XDH: variants seen among roughly 807,000 people sequenced by gnomAD.
The protein encoded by XDH is xanthine dehydrogenase/oxidase.
In XDH, 138 loss-of-function variants were observed where a neutral mutation model predicts 156.1. The observed-to-expected ratio is 0.88, with a 90% CI of 0.77 to 1.02. The LOEUF (loss-of-function observed/expected upper bound fraction) is 1.02, where lower values mean the gene tolerates loss of function less well. Among genes scored for constraint, XDH ranks in the 50% least tolerant of loss-of-function variants. The pLI is 0.00. For missense variants in XDH, 1,849 were observed against 1,684.9 expected (o/e 1.10, Z -1.71); for synonymous variants, 669 against 625.7 (o/e 1.07, Z -1.03).
chr2:31,387,789 C>G (rs1401518971), intron 8 of XDH, 22 bp downstream of exon 8: 1 of 1,565,176 alleles, frequency 6.4e-7, no homozygotes, highest in Admixed American at 1.9e-5. Context: ...CCGGCTGGAT[C>G]TGTCCCTGAG....
At chr2:31,393,964 C>T (rs1212370631) in intron 6 of XDH, among the ~76,000 whole-genome samples, 1 of 151,882 alleles carries the variant, frequency 6.6e-6, no homozygotes, top group Non-Finnish European at 1.5e-5. Flanking sequence ...TCATTGTTGT[C>T]ATTCATTTTA....
At chr2:31,361,648 G>GA (rs2148764388) in intron 24 of XDH, among the ~76,000 whole-genome samples, 2 of 152,252 alleles carry the variant, frequency 1.3e-5, no homozygotes, top group Admixed American at 1.3e-4. Flanking sequence ...CTCTCCTAAT[G>GA]AAAAATCCTG....
At chr2:31,384,036 G>T in intron 9 of XDH, 189 bp from the exon 10 acceptor site, 1 of 619,116 alleles carries the variant, frequency 1.6e-6, no homozygotes, top group Admixed American at 2.4e-5. Context: ...TGCAGTCTTT[G>T]GACTGTCAGC....
intron 6 of XDH, among the ~76,000 whole-genome samples, chr2:31,392,152 C>T (rs1393376641): frequency 2.0e-5 from 3 of 151,874 alleles, no homozygotes; most frequent in South Asian, 2.1e-4. Flanking sequence ...ATAGTGAGAT[C>T]TTTTTATTTT....
At chr2:31,406,008 G>C (rs1558317885) in intron 1 of XDH, 44 bp from the exon 2 acceptor site, 16 of 1,595,928 alleles carry the variant, frequency 1.0e-5, no homozygotes, top group Non-Finnish European at 1.3e-5. Flanking sequence ...GGTATACTTA[G>C]TCATCTTTCT....
chr2:31,364,895 T>C (rs554568062), intron 23 of XDH, among the ~76,000 whole-genome samples: 1 of 152,306 alleles, frequency 6.6e-6, no homozygotes, highest in African/African-American at 2.4e-5. Context: ...CTCAGGTTTC[T>C]AGAGCTAGGC....
chr2:31,365,329 T>C, intron 23 of XDH, 128 bp downstream of exon 23: 1 of 951,472 alleles, frequency 1.1e-6, no homozygotes, highest in Non-Finnish European at 1.7e-6. Context: ...CTCTTCTTGC[T>C]ATATCTTATT....
In XDH at chr2:31,341,330, T is replaced by A; in HGVS notation, c.3584A>T (p.Gln1195Leu). 1 of 1,570,890 alleles carries A rather than the reference T, an allele frequency of 6.4e-7. No individual in the cohort carries two copies. Among genetic ancestry groups the A allele is most frequent in the South Asian group, 1.2e-5 (1 of 85,642 alleles). Residue 1195 changes from glutamine to leucine, a missense_variant and splice_region_variant, in exon 33 of 36, where the codon CAG (glutamine) becomes CTG (leucine). Coordinates refer to ENST00000379416, the MANE Select transcript of XDH (RefSeq NM_000379.4). ...SSLNPAIDIG[Q>L]VEGAFVQGLG... Reference sequence around the variant, plus strand: ...CACCCTGGTCCCACTGAGCCTCACCTGTCCAATATCAATGGCAGGGTTTAG... The same window carrying A: ...CACCCTGGTCCCACTGAGCCTCACCAGTCCAATATCAATGGCAGGGTTTAG...
intron 24 of XDH, among the ~76,000 whole-genome samples, chr2:31,358,751 C>G (rs1373148240): frequency 6.6e-6 from 1 of 152,042 alleles, no homozygotes; most frequent in Non-Finnish European, 1.5e-5. Flanking sequence ...TGGAAGAAAA[C>G]TTTCTTAATC....
chr2:31,347,761 G>C, intron 28 of XDH, 111 bp from the exon 29 acceptor site: 1 of 1,400,680 alleles, frequency 7.1e-7, no homozygotes, highest in Non-Finnish European at 9.8e-7. Context: ...AAACAATTTC[G>C]TAAACTCTAA....
intron 6 of XDH, among the ~76,000 whole-genome samples, chr2:31,389,340 C>T (rs1047236971): frequency 6.6e-6 from 1 of 152,136 alleles, no homozygotes; most frequent in African/African-American, 2.4e-5. Flanking sequence ...ACCCCACCCA[C>T]CCCACCACCT....
chr2:31,346,087 T>C (rs1268167985), intron 30 of XDH, among the ~76,000 whole-genome samples: 2 of 152,202 alleles, frequency 1.3e-5, no homozygotes, highest in Non-Finnish European at 2.9e-5. Flanking sequence ...TTTGATGTGT[T>C]ACTCTTCTGC....
At chr2:31,380,056 G>T (rs1686395421) in intron 12 of XDH, 80 bp from the exon 13 acceptor site, 2 of 1,385,038 alleles carry the variant, frequency 1.4e-6, no homozygotes, top group Admixed American at 1.7e-5. Flanking sequence ...ATAACCATCA[G>T]TGGGATTCTT....
intron 6 of XDH, among the ~76,000 whole-genome samples, chr2:31,393,565 C>T (rs1322980883): frequency 6.6e-6 from 1 of 152,118 alleles, no homozygotes; most frequent in African/African-American, 2.4e-5. Flanking sequence ...TTTTCATCTA[C>T]TCTAACAATC....
Position 31,348,255 on chromosome 2 carries a change from G to A in XDH, c.3147+13C>T, listed in dbSNP as rs778328667. 5 of 1,613,084 alleles carry A rather than the reference G, an allele frequency of 3.1e-6. No individual in the cohort carries two copies. The highest frequency in any genetic ancestry group is 2.5e-6 in the Non-Finnish European group (3 of 1,179,084). ...TAACAACGGACACAACACTGCCAGA[G>A]AGGGCTGCTCACCTGGACCATTTTG... On this transcript the variant is annotated intron_variant, in intron 28 of 35. Transcript: ENST00000379416.
intron 30 of XDH, 131 bp downstream of exon 30, chr2:31,346,638 A>C (rs1685302062): frequency 1.8e-6 from 2 of 1,126,776 alleles, no homozygotes; most frequent in African/African-American, 3.1e-5. Flanking sequence ...AAATCACACA[A>C]ACCACCTCAA....
Position 31,339,548 on chromosome 2 carries a change from CAAT to C in XDH, c.3712_3714del (p.Ile1238del), listed in dbSNP as rs951019433. 1.2e-6 allele frequency: 2 copies of C among 1,614,090 alleles called. No individual in the cohort carries two copies. The highest frequency in any genetic ancestry group is 1.7e-6 in the Non-Finnish European group (2 of 1,180,046). On this transcript the variant is annotated inframe_deletion, in exon 34 of 36. Coordinates refer to ENST00000379416, the MANE Select transcript of XDH (RefSeq NM_000379.4). ...TCGCGGAGCAGGGACACCCTGAACT[CAAT>C]GGGGATGCTGCCAAATGCCGGGATC...
chr2:31,376,504 GTTA>G (rs1686248330), intron 14 of XDH, among the ~76,000 whole-genome samples: 1 of 149,314 alleles, frequency 6.7e-6, no homozygotes, highest in Non-Finnish European at 1.5e-5. Flanking sequence ...AAGCAGTAAT[GTTA>G]TTAGTAAAAT....
At chr2:31,375,023 C>CTTTTT (rs60340656) in intron 15 of XDH, among the ~76,000 whole-genome samples, 60 of 92,320 alleles carry the variant, frequency 6.5e-4, no homozygotes, top group African/African-American at 1.8e-3. Context: ...TTCTTTCTTT[C>CTTTTT]TTTTTTTTTT....
Sources: gnomAD v4.1 joint callset for allele counts (sites outside exome capture counted in the v4.1 genomes callset) on GRCh38, gnomAD v4.1.1 for gene constraint, MANE v1.5 for transcripts, NCBI Gene and HGNC (gene_info 2026-07-23, HGNC 2026-07-21) for gene names.